The following LIMA1 variants were observed in gnomAD, a reference collection of about 807,000 sequenced individuals.
LIMA1 encodes LIM domain and actin-binding protein 1.
In LIMA1, 52 loss-of-function variants were observed where a neutral mutation model predicts 62.6. The ratio of observed to expected loss-of-function variants is 0.83; its 90% CI spans 0.67 to 1.05. LIMA1 has a LOEUF of 1.05. Ranked by LOEUF, LIMA1 falls within the 50% of genes least tolerant of loss-of-function variation. The pLI is 0.00. For missense variants in LIMA1, 780 were observed against 902.2 expected (o/e 0.86, Z 1.74); for synonymous variants, 302 against 317.8 (o/e 0.95, Z 0.53).
At chr12:50,231,575 A>T (rs1362167660) in intron 3 of LIMA1, 90 bp downstream of exon 3, 1 of 1,180,634 alleles carries the variant, frequency 8.5e-7, no homozygotes, top group African/African-American at 1.5e-5. Flanking sequence ...CAGCTGACAT[A>T]GAACCCAAGC....
chr12:50,192,003 C>T (rs1940785422), intron 9 of LIMA1, among the ~76,000 whole-genome samples: 1 of 151,134 alleles, frequency 6.6e-6, no homozygotes, highest in African/African-American at 2.4e-5. Context: ...GGCATGGTGG[C>T]GCATGCCTGT....
intron 4 of LIMA1, chr12:50,217,686 C>T: frequency 4.2e-6 from 1 of 237,832 alleles, no homozygotes; most frequent in African/African-American, 2.3e-5. Context: ...GGTCGTGGGG[C>T]AGCACCCGCA....
intron 1 of LIMA1, among the ~76,000 whole-genome samples, chr12:50,260,246 C>T (rs1942048999): frequency 6.6e-6 from 1 of 151,496 alleles, no homozygotes; most frequent in Non-Finnish European, 1.5e-5. Context: ...CTCCTGGGTT[C>T]AAGTGATTCT....
At chr12:50,221,250 C>G (rs963550513) in intron 4 of LIMA1, among the ~76,000 whole-genome samples, 2 of 152,014 alleles carry the variant, frequency 1.3e-5, no homozygotes, top group African/African-American at 4.8e-5. Context: ...CGAACCATCC[C>G]CATGTACAAA....
intron 9 of LIMA1, among the ~76,000 whole-genome samples, chr12:50,183,225 T>C (rs1390770857): frequency 1.3e-5 from 2 of 151,842 alleles, no homozygotes; most frequent in African/African-American, 4.8e-5. Context: ...AAGAAATAGT[T>C]ACATGGCTAC....
intron 7 of LIMA1, among the ~76,000 whole-genome samples, chr12:50,199,965 C>A (rs1420468517): frequency 6.6e-6 from 1 of 151,814 alleles, no homozygotes; most frequent in Non-Finnish European, 1.5e-5. Flanking sequence ...GTGACCTCAG[C>A]CCACTGCAAC....
intron 4 of LIMA1, among the ~76,000 whole-genome samples, chr12:50,214,482 C>T (rs946674124): frequency 1.3e-5 from 2 of 152,194 alleles, no homozygotes; most frequent in African/African-American, 4.8e-5. Flanking sequence ...AATACCTTTC[C>T]TCCCCAAACT....
chr12:50,190,892 G>A (rs918123102), intron 9 of LIMA1, among the ~76,000 whole-genome samples: 1 of 150,862 alleles, frequency 6.6e-6, no homozygotes, highest in African/African-American at 2.4e-5. Flanking sequence ...CCAAGGTGGG[G>A]GGATTACTTG....
chr12:50,188,046 A>C (rs1268980682), intron 9 of LIMA1: 3 of 152,210 alleles, frequency 2.0e-5, no homozygotes, highest in African/African-American at 7.2e-5. Flanking sequence ...ATTGGTACCA[A>C]GTCTTACCAA....
chr12:50,246,333 G>C (rs1488139396), intron 2 of LIMA1, among the ~76,000 whole-genome samples: 1 of 152,056 alleles, frequency 6.6e-6, no homozygotes, highest in Non-Finnish European at 1.5e-5. Context: ...AAGACAGGTG[G>C]GGCTAAGGAG....
intron 1 of LIMA1, among the ~76,000 whole-genome samples, chr12:50,272,356 G>A (rs1942221820): frequency 6.6e-6 from 1 of 151,830 alleles, no homozygotes; most frequent in Non-Finnish European, 1.5e-5. Flanking sequence ...TTGGGAGACC[G>A]AGGCGGGCGG....
chr12:50,192,471 G>A lies in LIMA1; in HGVS notation c.1121C>T (p.Ser374Phe). 1 of 1,612,968 alleles carries A rather than the reference G, an allele frequency of 6.2e-7. No individual in the cohort carries two copies. Reference protein sequence around the residue: ...DSRASSLSESSPPKAMKKFQA... With the variant: ...DSRASSLSESFPPKAMKKFQA... ...TCATACCTTCATTGCTTTGGGAGGA[G>A]AACTTTCAGAAAGACTGGAGGCTCT... Residue 374 changes from serine to phenylalanine, a missense_variant, in exon 9 of 11, where the codon TCT becomes TTT. Coordinates refer to ENST00000341247, the MANE Select transcript of LIMA1 (RefSeq NM_016357.5).
In LIMA1 at chr12:50,181,931, C is replaced by A. The variant is rs1040034332; in HGVS notation, c.1247G>T (p.Arg416Leu). The change falls in exon 10 of 11, where the codon CGT becomes CTT. Residue 416 changes from arginine (R) to leucine (L), a missense_variant. Coordinates refer to ENST00000341247, the MANE Select transcript of LIMA1 (RefSeq NM_016357.5). ...GAGTTTGTTGTTGCAATAGGAGCAA[C>A]GGAAGCAGCTGATGTGAAACACCTG... The part of the protein sequence containing the change: ...NQQVFHISCF[R>L]CSYCNNKLSL... 1.2e-5 allele frequency: 19 copies of A among 1,614,008 alleles called. No individual in the cohort carries two copies. Among genetic ancestry groups the A allele is most frequent in the Non-Finnish European group, 1.5e-5 (18 of 1,180,008 alleles).
intron 1 of LIMA1, among the ~76,000 whole-genome samples, chr12:50,253,267 G>A (rs183626388): frequency 1.1e-4 from 17 of 152,278 alleles, no homozygotes; most frequent in African/African-American, 4.1e-4. Context: ...TTAGAAATCC[G>A]ACTCTTGGAA....
chr12:50,222,383 G>C lies in LIMA1; in HGVS notation c.268C>G (p.Leu90Val), dbSNP rs752749673. 1.7e-5 allele frequency: 28 copies of C among 1,614,154 alleles called. No individual in the cohort carries two copies. In the East Asian group the frequency reaches 6.2e-4, roughly 36 times the overall value. ...CTAATCTCAGTGCTGCTGTTCCGTA[G>C]AGAGTCTGTGTGAGACTCTGCTCCC... ...GLGAESHTDS[L>V]RNSSTEIRHR... Residue 90 changes from leucine (L) to valine (V), a missense_variant, in exon 4 of 11, where the codon CTA becomes GTA. Coordinates refer to ENST00000341247, the MANE Select transcript of LIMA1 (RefSeq NM_016357.5).
chr12:50,243,562 C>T (rs906484741), intron 2 of LIMA1, among the ~76,000 whole-genome samples: 3 of 152,206 alleles, frequency 2.0e-5, no homozygotes, highest in Non-Finnish European at 2.9e-5. Flanking sequence ...ATATTAGCAA[C>T]GTGTTTCCAC....
chr12:50,206,940 T>C lies in LIMA1; in HGVS notation c.631-872A>G, dbSNP rs866948341. Among the ~76,000 whole-genome samples the C allele has an allele frequency of 4.6e-5, 7 of 152,248 alleles. No individual in the cohort carries two copies. In the South Asian group the frequency reaches 8.3e-4, roughly 18 times the overall value. On this transcript the variant is annotated intron_variant, in intron 4 of 10. Coordinates refer to ENST00000341247, the MANE Select transcript of LIMA1 (RefSeq NM_016357.5). ...AAGTGGATGACACAGATTTTTTTTTTTTGAGACAGAGTCTCACTCCGTCAC... is the reference window on the plus strand; with the variant it reads ...AAGTGGATGACACAGATTTTTTTTTCTTGAGACAGAGTCTCACTCCGTCAC...
At position 50,200,849 on chromosome 12, in the gene LIMA1, A is replaced by C; in HGVS notation, c.900T>G (p.Ile300Met). 1 of 1,614,142 alleles carries C rather than the reference A, an allele frequency of 6.2e-7. No individual in the cohort carries two copies. Among genetic ancestry groups the C allele is most frequent in the Non-Finnish European group, 8.5e-7 (1 of 1,180,006 alleles). ...ELKASGGEIK[I>M]HKMEQKENVP... Reference sequence around the variant, plus strand: ...CATTCTCCTTTTGCTCCATTTTATGAATTTTGATTTCGCCACCACTGGCTT... The same window carrying C: ...CATTCTCCTTTTGCTCCATTTTATGCATTTTGATTTCGCCACCACTGGCTT... The change falls in exon 7 of 11, where the codon ATT becomes ATG. Residue 300 changes from isoleucine (I) to methionine (M), a missense_variant. Physicochemically the swap from Ile to Met is conservative, Grantham distance 10. Transcript: ENST00000341247.
At chr12:50,209,544 G>A (rs1035647722) in intron 4 of LIMA1, among the ~76,000 whole-genome samples, 1 of 142,298 alleles carries the variant, frequency 7.0e-6, no homozygotes, top group African/African-American at 2.7e-5. Flanking sequence ...CTCCAGGCTA[G>A]GTGACAGAGC....
Sources: gnomAD v4.1 joint callset for allele counts (sites outside exome capture counted in the v4.1 genomes callset) on GRCh38, gnomAD v4.1.1 for gene constraint, MANE v1.5 for transcripts, NCBI Gene and HGNC (gene_info 2026-07-23, HGNC 2026-07-21) for gene names.